ADGRL3: variants seen among roughly 807,000 people sequenced by gnomAD.
ADGRL3 encodes the protein calcium-independent alpha-latrotoxin receptor 3.
ADGRL3 carries 62 observed loss-of-function variants against 153.5 expected under a neutral mutation model. The observed-to-expected ratio is 0.40, with a 90% CI of 0.33 to 0.50. ADGRL3 has a LOEUF of 0.50. ADGRL3 is among the 20% of genes least tolerant of loss of function. The pLI, the probability that ADGRL3 is intolerant of heterozygous loss-of-function variation, is 0.47. For missense variants in ADGRL3, 1,641 were observed against 1,859.4 expected, an observed-to-expected ratio of 0.88 and a Z score of 2.16; for synonymous variants, 710 against 672.5, an observed-to-expected ratio of 1.06 and a Z score of -0.86.
intron 1 of ADGRL3, among the ~76,000 whole-genome samples, chr4:61,241,058 CTG>C: frequency 6.6e-6 from 1 of 151,956 alleles, no homozygotes; most frequent in South Asian, 2.1e-4. Flanking sequence ...GATGAAAAAA[CTG>C]TGTGTATATA....
At chr4:61,668,231 G>T (rs1200455845) in intron 5 of ADGRL3, among the ~76,000 whole-genome samples, 1 of 152,188 alleles carries the variant, frequency 6.6e-6, no homozygotes, top group Non-Finnish European at 1.5e-5. Context: ...AGGAAGAAAA[G>T]GTGCTGTGTT....
intron 25 of ADGRL3, among the ~76,000 whole-genome samples, chr4:62,060,032 T>C (rs1324794323): frequency 6.6e-6 from 1 of 152,060 alleles, no homozygotes; most frequent in African/African-American, 2.4e-5. Context: ...GAAACTCCTC[T>C]TTTTTTGAAT....
chr4:61,844,407 C>T (rs997030653), intron 9 of ADGRL3, among the ~76,000 whole-genome samples: 21 of 150,226 alleles, frequency 1.4e-4, no homozygotes, highest in African/African-American at 3.7e-4. Flanking sequence ...CTTAGCTAGG[C>T]ATGGTGGTGG....
At chr4:61,910,052 C>G (rs1177843330) in intron 12 of ADGRL3, among the ~76,000 whole-genome samples, 2 of 151,916 alleles carry the variant, frequency 1.3e-5, no homozygotes, top group African/African-American at 2.4e-5. Context: ...TAGATAAATG[C>G]AATTTCTTTT....
At chr4:61,690,137 A>G (rs1218273592) in intron 6 of ADGRL3, among the ~76,000 whole-genome samples, 3 of 152,162 alleles carry the variant, frequency 2.0e-5, no homozygotes, top group African/African-American at 7.2e-5. Context: ...CAGAAACTTC[A>G]TAGATACCAA....
At chr4:61,921,833 C>G (rs1413916210) in intron 13 of ADGRL3, among the ~76,000 whole-genome samples, 6 of 152,082 alleles carry the variant, frequency 3.9e-5, no homozygotes, top group South Asian at 4.1e-4. Flanking sequence ...AGAGAAAAGA[C>G]TTTGGGGATA....
chr4:61,938,539 G>C (rs2098849370), intron 15 of ADGRL3, among the ~76,000 whole-genome samples: 1 of 152,160 alleles, frequency 6.6e-6, no homozygotes, highest in Admixed American at 6.5e-5. Flanking sequence ...ACTAGAGCAA[G>C]GAGGCTGACA....
intron 6 of ADGRL3, among the ~76,000 whole-genome samples, chr4:61,696,218 G>C (rs2095640029): frequency 6.6e-6 from 1 of 152,166 alleles, no homozygotes; most frequent in Non-Finnish European, 1.5e-5. Flanking sequence ...TCTGAGGGCA[G>C]AATTTCTTGA....
intron 1 of ADGRL3, among the ~76,000 whole-genome samples, chr4:61,233,832 G>T (rs17090417): frequency 0.019 from 2,853 of 152,192 alleles, 102 homozygotes; most frequent in African/African-American, 0.065. Context: ...GAAATGGTGG[G>T]AATGTCTACT....
chr4:61,811,715 G>T (rs1003104760), intron 8 of ADGRL3, among the ~76,000 whole-genome samples: 1 of 152,060 alleles, frequency 6.6e-6, no homozygotes, highest in Non-Finnish European at 1.5e-5. Flanking sequence ...TTTACCTAGA[G>T]TAAATGTAAT....
intron 4 of ADGRL3, among the ~76,000 whole-genome samples, chr4:61,582,034 A>G (rs1029063855): frequency 8.5e-5 from 13 of 152,092 alleles, no homozygotes; most frequent in African/African-American, 3.1e-4. Context: ...TAAACAAAAT[A>G]TGAAGGGAAG....
chr4:61,216,016 T>C (rs539616928), intron 1 of ADGRL3, among the ~76,000 whole-genome samples: 2 of 152,162 alleles, frequency 1.3e-5, no homozygotes, highest in Admixed American at 6.5e-5. Context: ...AAAATATCCA[T>C]GGGATAAAAT....
chr4:61,266,007 G>T (rs1027576797), intron 1 of ADGRL3, among the ~76,000 whole-genome samples: 1 of 151,878 alleles, frequency 6.6e-6, no homozygotes, highest in Non-Finnish European at 1.5e-5. Flanking sequence ...GCATATTTAA[G>T]TCTTTTTATA....
rs534304484 is a variant in ADGRL3 at position 61,388,610 on chromosome 4, G to A, written c.-174+5421G>A. ...TAACACCTCTTAGGCTACTACCTTT[G>A]TCCAAATCACAGTCCTCTTCTGTGT... On this transcript the variant is annotated intron_variant, in intron 2 of 26. Transcript: ENST00000683033. Among the ~76,000 whole-genome samples the A allele has an allele frequency of 2.0e-5, 3 of 152,222 alleles. No homozygotes were observed. In the South Asian group the frequency reaches 6.2e-4, roughly 32 times the overall value.
At chr4:61,629,604 C>G (rs1467088836) in intron 5 of ADGRL3, among the ~76,000 whole-genome samples, 1 of 150,868 alleles carries the variant, frequency 6.6e-6, no homozygotes, top group African/African-American at 2.4e-5. Context: ...GTAATCCCAG[C>G]TACTCGGGAG....
At chr4:61,555,335 C>T (rs2098760310) in intron 4 of ADGRL3, among the ~76,000 whole-genome samples, 2 of 151,994 alleles carry the variant, frequency 1.3e-5, no homozygotes, top group Non-Finnish European at 1.5e-5. Context: ...TTAATTTTAC[C>T]TTATTATATA....
chr4:61,230,573 A>G (rs1750165344), intron 1 of ADGRL3, among the ~76,000 whole-genome samples: 1 of 151,908 alleles, frequency 6.6e-6, no homozygotes, highest in African/African-American at 2.4e-5. Context: ...TTTTGTAGAG[A>G]TGAGGTGTCA....
chr4:61,833,959 T>C (rs933451663), intron 9 of ADGRL3, among the ~76,000 whole-genome samples: 6 of 90,248 alleles, frequency 6.6e-5, no homozygotes, highest in Non-Finnish European at 1.1e-4. Flanking sequence ...AGGCAGCTTC[T>C]TTTTTTTTTT....
In ADGRL3 at chr4:61,238,442, G is replaced by GGTGTGT. The variant is rs3065319; in HGVS notation, c.-240+36706_-240+36711dup. 3.0e-3 allele frequency among the ~76,000 whole-genome samples: 445 copies of GGTGTGT among 147,550 alleles called. 2 individuals carry two copies. Among genetic ancestry groups the GGTGTGT allele is most frequent in the Non-Finnish European group, 4.0e-3 (266 of 66,736 alleles). ...TATTAAAGGGTAAATTCTAATGTGT[G>GGTGTGT]GTGTGTGTGTGTGTGTGTGTGTGTG... On this transcript the variant is annotated intron_variant, in intron 1 of 26. Transcript: ENST00000683033.
Sources: gnomAD v4.1 joint callset for allele counts (sites outside exome capture counted in the v4.1 genomes callset) on GRCh38, gnomAD v4.1.1 for gene constraint, MANE v1.5 for transcripts, NCBI Gene and HGNC (gene_info 2026-07-23, HGNC 2026-07-21) for gene names.